Variants in EHBP1 observed in about 807,000 individuals in gnomAD.
The protein encoded by EHBP1 is EH domain binding protein 1.
Under a neutral mutation model 144.0 loss-of-function variants are expected in EHBP1, and 55 were observed. That is an observed-to-expected ratio of 0.38 (90% CI 0.31 to 0.48). The LOEUF (loss-of-function observed/expected upper bound fraction) is 0.48. EHBP1 is among the 20% of genes least tolerant of loss of function. The pLI is 0.98. For synonymous variants in EHBP1, 469 were observed against 472.7 expected (o/e 0.99, Z 0.10); for missense variants, 1,200 against 1,364.2 (o/e 0.88, Z 1.90).
chr2:62,725,354 C>T (rs1369395109), intron 2 of EHBP1, among the ~76,000 whole-genome samples: 2 of 152,184 alleles, frequency 1.3e-5, no homozygotes, highest in Non-Finnish European at 2.9e-5. Context: ...TAGTGGGTCC[C>T]GGGGTGCCTG....
intron 19 of EHBP1, among the ~76,000 whole-genome samples, chr2:63,032,429 G>C (rs1052083758): frequency 6.6e-6 from 1 of 151,260 alleles, no homozygotes; most frequent in Non-Finnish European, 1.5e-5. Flanking sequence ...TTAGCTGGGC[G>C]TGCTGGCGGG....
intron 5 of EHBP1, among the ~76,000 whole-genome samples, chr2:62,804,506 T>G (rs2044291560): frequency 1.3e-5 from 2 of 152,208 alleles, no homozygotes; most frequent in South Asian, 4.1e-4. Flanking sequence ...GAATATTTAT[T>G]AAATCGGTGG....
chr2:62,875,224 G>T (rs557779570), intron 10 of EHBP1, among the ~76,000 whole-genome samples: 1 of 152,190 alleles, frequency 6.6e-6, no homozygotes. Context: ...AAATGCTTTT[G>T]CCAGCACCCC....
At chr2:62,688,518 G>A (rs900323263) in intron 1 of EHBP1, among the ~76,000 whole-genome samples, 2 of 152,032 alleles carry the variant, frequency 1.3e-5, no homozygotes, top group Non-Finnish European at 2.9e-5. Flanking sequence ...AAAACTACAT[G>A]TTATTATTAA....
rs1252921052 is a variant in EHBP1 at position 63,045,770 on chromosome 2, A to G, written c.*270A>G. On this transcript the variant is annotated 3_prime_UTR_variant, in exon 23 of 23. Coordinates refer to ENST00000431489, the MANE Select transcript of EHBP1 (RefSeq NM_001142616.3). This position sits in a 1 kb window ranked among gnomAD's most constrained non-coding sequence, Gnocchi z 5.7. ...GATTTGCACAGACACCTTGTGAGTG[A>G]TTGGTATTGGAGGTGTTCAAGAAAC... 2.5e-6 allele frequency: 1 copy of G among 396,752 alleles called. No individual in the cohort carries two copies. Among genetic ancestry groups the G allele is most frequent in the African/African-American group, 2.1e-5 (1 of 48,740 alleles). The allele number at this position is 396,752 out of a possible 1,614,324, so 24.6% of individuals were successfully genotyped here. A position where few individuals can be genotyped will look rare whatever the true frequency, so the allele number is the denominator to read the frequency against.
chr2:62,901,439 A>G (rs567727451), intron 10 of EHBP1, among the ~76,000 whole-genome samples: 4 of 152,178 alleles, frequency 2.6e-5, no homozygotes, highest in South Asian at 4.1e-4. Context: ...CAACCCATCT[A>G]TTTTGCTGTT....
intron 5 of EHBP1, among the ~76,000 whole-genome samples, chr2:62,816,155 A>G (rs966990263): frequency 1.3e-5 from 2 of 152,146 alleles, no homozygotes; most frequent in Admixed American, 6.5e-5. Flanking sequence ...TTCTTCATAT[A>G]CTTCAACCAA....
At chr2:62,988,422 A>G (rs546837285) in intron 15 of EHBP1, among the ~76,000 whole-genome samples, 2 of 152,124 alleles carry the variant, frequency 1.3e-5, no homozygotes, top group Non-Finnish European at 2.9e-5. Context: ...TTTCTGATTT[A>G]GTTTAGAATT....
At chr2:62,773,218 A>G (rs184401997) in intron 5 of EHBP1, among the ~76,000 whole-genome samples, 99 of 152,242 alleles carry the variant, frequency 6.5e-4, no homozygotes, top group African/African-American at 2.1e-3. Flanking sequence ...AATGGGGTAG[A>G]TCTCCCTCTT....
intron 2 of EHBP1, among the ~76,000 whole-genome samples, chr2:62,740,586 A>C (rs2038610513): frequency 6.6e-6 from 1 of 152,184 alleles, no homozygotes; most frequent in African/African-American, 2.4e-5. Flanking sequence ...GTTTATGGCT[A>C]AGAGTCCTTT....
At chr2:62,730,644 G>A (rs1413164921) in intron 2 of EHBP1, among the ~76,000 whole-genome samples, 2 of 151,440 alleles carry the variant, frequency 1.3e-5, no homozygotes, top group East Asian at 3.9e-4. Context: ...GAGAGAGACA[G>A]AGACAGAGAG....
intron 10 of EHBP1, among the ~76,000 whole-genome samples, chr2:62,905,823 C>CA (rs952161707): frequency 1.2e-4 from 18 of 146,124 alleles, no homozygotes; most frequent in East Asian, 6.0e-4. Context: ...GACTCCATCT[C>CA]AAAAAAAAAA....
chr2:62,676,558 G>T (rs903261270), intron 1 of EHBP1, among the ~76,000 whole-genome samples: 1 of 152,204 alleles, frequency 6.6e-6, no homozygotes. Flanking sequence ...TGACACACCA[G>T]CCATGATCCT....
intron 1 of EHBP1, among the ~76,000 whole-genome samples, chr2:62,685,787 G>A (rs2033697760): frequency 6.6e-6 from 1 of 152,058 alleles, no homozygotes; most frequent in Non-Finnish European, 1.5e-5. Context: ...GTGATTGGGG[G>A]TTGGGGAGGA....
chr2:62,853,401 G>C (rs1299432655), intron 7 of EHBP1, among the ~76,000 whole-genome samples: 2 of 152,202 alleles, frequency 1.3e-5, no homozygotes, highest in Non-Finnish European at 2.9e-5. Context: ...TTTATCATGA[G>C]ATTGCAGCAA....
At chr2:62,893,740 C>G (rs564963099) in intron 10 of EHBP1, among the ~76,000 whole-genome samples, 2 of 152,156 alleles carry the variant, frequency 1.3e-5, no homozygotes, top group South Asian at 2.1e-4. Context: ...GTAGTATCCT[C>G]TAAACACTTA....
chr2:62,982,551 T>C (rs2059016889), intron 15 of EHBP1, among the ~76,000 whole-genome samples: 1 of 152,162 alleles, frequency 6.6e-6, no homozygotes, highest in African/African-American at 2.4e-5. Flanking sequence ...TCCACTCTTC[T>C]AGGGTCTAGT....
intron 3 of EHBP1, among the ~76,000 whole-genome samples, chr2:62,754,835 GA>G (rs2152261535): frequency 6.6e-6 from 1 of 152,340 alleles, no homozygotes; most frequent in African/African-American, 2.4e-5. Flanking sequence ...AGATTGTTGG[GA>G]AAGCGCAGTA....
At chr2:62,839,615 C>G (rs2047619432) in intron 7 of EHBP1, among the ~76,000 whole-genome samples, 1 of 149,564 alleles carries the variant, frequency 6.7e-6, no homozygotes, top group Non-Finnish European at 1.5e-5. Flanking sequence ...CCCAAAATCT[C>G]CTTAAGCTGA....
Sources: gnomAD v4.1 joint callset for allele counts (sites outside exome capture counted in the v4.1 genomes callset) on GRCh38, gnomAD v4.1.1 for gene constraint, Gnocchi (gnomAD v3.1) non-coding constraint, MANE v1.5 for transcripts, NCBI Gene and HGNC (gene_info 2026-07-23, HGNC 2026-07-21) for gene names.